Variants in CFAP299 observed in about 807,000 individuals in gnomAD.
CFAP299 encodes cilia and flagella associated protein 299.
In CFAP299, 21 loss-of-function variants were observed where a neutral mutation model predicts 27.0. The ratio of observed to expected loss-of-function variants is 0.78; its 90% CI spans 0.55 to 1.12. The LOEUF (loss-of-function observed/expected upper bound fraction) is 1.12, where lower values mean the gene tolerates loss of function less well. CFAP299 is among the 50% of genes most tolerant of loss of function. The pLI, the probability that CFAP299 is intolerant of heterozygous loss-of-function variation, is 0.00. For synonymous variants in CFAP299, 104 were observed against 98.1 expected, an observed-to-expected ratio of 1.06 and a Z score of -0.36; for missense variants, 310 against 276.6, an observed-to-expected ratio of 1.12 and a Z score of -0.86.
intron 2 of CFAP299, among the ~76,000 whole-genome samples, chr4:80,492,751 A>C (rs545776428): frequency 3.5e-4 from 53 of 152,294 alleles, no homozygotes; most frequent in African/African-American, 1.2e-3. Flanking sequence ...CCTAGGAGGA[A>C]GGGTTTTCTC....
At chr4:80,392,390 TC>T (rs1474820113) in intron 2 of CFAP299, among the ~76,000 whole-genome samples, 1 of 152,160 alleles carries the variant, frequency 6.6e-6, no homozygotes, top group African/African-American at 2.4e-5. Context: ...TTCGGCTGTG[TC>T]CCCACCCAAA....
intron 3 of CFAP299, among the ~76,000 whole-genome samples, chr4:80,693,599 T>G: frequency 6.7e-6 from 1 of 150,060 alleles, no homozygotes; most frequent in South Asian, 2.1e-4. Flanking sequence ...TAATGCTAGA[T>G]TACGAATTAG....
chr4:80,493,760 T>C (rs13152754), intron 2 of CFAP299, among the ~76,000 whole-genome samples: 7 of 49,678 alleles, frequency 1.4e-4, no homozygotes, highest in African/African-American at 2.5e-4. Flanking sequence ...TCTCATATTC[T>C]TTTTTTTTTT....
At chr4:80,368,895 A>G (rs978313179) in intron 2 of CFAP299, among the ~76,000 whole-genome samples, 4 of 152,240 alleles carry the variant, frequency 2.6e-5, no homozygotes, top group African/African-American at 9.6e-5. Flanking sequence ...TTTGTTGCAG[A>G]TTAGCATCTC....
intron 3 of CFAP299, among the ~76,000 whole-genome samples, chr4:80,618,140 T>C (rs1738393380): frequency 1.3e-5 from 2 of 152,110 alleles, no homozygotes; most frequent in Non-Finnish European, 2.9e-5. Context: ...TGATAGCATA[T>C]GAAGTATCTC....
chr4:80,722,366 G>A (rs578247100), intron 3 of CFAP299, among the ~76,000 whole-genome samples: 3 of 150,808 alleles, frequency 2.0e-5, no homozygotes, highest in East Asian at 2.0e-4. Flanking sequence ...GCAGTGAGCC[G>A]AGATCGTGCC....
intron 3 of CFAP299, among the ~76,000 whole-genome samples, chr4:80,808,302 G>T (rs1194215614): frequency 6.6e-6 from 1 of 152,020 alleles, no homozygotes; most frequent in Admixed American, 6.6e-5. Flanking sequence ...GAAAGAATCT[G>T]CCTTCATAAC....
At position 80,862,561 on chromosome 4, in the gene CFAP299, G is replaced by A. The variant is rs550582913; in HGVS notation, c.334-7432G>A. 7.9e-5 allele frequency among the ~76,000 whole-genome samples: 12 copies of A among 152,188 alleles called. No individual in the cohort carries two copies. The South Asian group carries it at 1.9e-3, about 24-fold the overall frequency. Reference sequence around the variant, plus strand: ...AATAACTACAGATTGCAAAGTGGCTGCAATTATCCACTTTGTCCTTTGTCC... The same window carrying A: ...AATAACTACAGATTGCAAAGTGGCTACAATTATCCACTTTGTCCTTTGTCC... On this transcript the variant is annotated intron_variant, in intron 3 of 5. Coordinates refer to ENST00000358105, the MANE Select transcript of CFAP299 (RefSeq NM_152770.3).
intron 4 of CFAP299, among the ~76,000 whole-genome samples, chr4:80,912,956 A>G (rs1044097857): frequency 6.6e-6 from 1 of 152,176 alleles, no homozygotes; most frequent in African/African-American, 2.4e-5. Flanking sequence ...GGGACCAGCC[A>G]TAACAGAGGT....
At position 80,719,894 on chromosome 4, in the gene CFAP299, A is replaced by G. The variant is rs118184727; in HGVS notation, c.333+136711A>G. On this transcript the variant is annotated intron_variant, in intron 3 of 5. Coordinates refer to ENST00000358105, the MANE Select transcript of CFAP299 (RefSeq NM_152770.3). ...GCCCCTAATAAAACTCCATGTCTTG[A>G]TAAAAAATAATGAACTGAATAAAAT... Among the ~76,000 whole-genome samples, 302 of 152,308 alleles carry G rather than the reference A, an allele frequency of 2.0e-3. 5 individuals are homozygous for G. In the East Asian group the frequency reaches 0.048, roughly 24 times the overall value.
In CFAP299 at chr4:80,963,584, T is replaced by A; in HGVS notation, c.674T>A (p.Phe225Tyr). 6.2e-7 allele frequency: 1 copy of A among 1,606,252 alleles called. No homozygotes were observed. Among genetic ancestry groups the A allele is most frequent in the Non-Finnish European group, 8.5e-7 (1 of 1,175,358 alleles). Residue 225 changes from phenylalanine (F) to tyrosine (Y), a missense_variant, in exon 6 of 6, where the codon TTT becomes TAT. Coordinates refer to ENST00000358105, the MANE Select transcript of CFAP299 (RefSeq NM_152770.3). Reference sequence around the variant, plus strand: ...GAACTCTACGTACAAGCTGTCATTTTTGACCACATTTCCAGAAGGAAGACT... The same window carrying A: ...GAACTCTACGTACAAGCTGTCATTTATGACCACATTTCCAGAAGGAAGACT... ...LTELYVQAVI[F>Y]DHISRRKT is the part of the protein sequence containing the mutation.
rs1002691021 is a variant in CFAP299 at position 80,386,366 on chromosome 4, C to T, written c.242+23482C>T. On this transcript the variant is annotated intron_variant, in intron 2 of 5. Transcript: ENST00000358105. ...GCTCCGCGTTCAGCTCTGCGAAGGGCGGCTTGCCCGGGACGGCCTCGGGCA... is the reference window on the plus strand; with the variant it reads ...GCTCCGCGTTCAGCTCTGCGAAGGGTGGCTTGCCCGGGACGGCCTCGGGCA... 1.0e-5 allele frequency: 15 copies of T among 1,470,136 alleles called. No individual in the cohort carries two copies. In the African/African-American group the frequency reaches 1.2e-4, roughly 12 times the overall value. 91.1% of individuals were successfully genotyped at this position (1,470,136 alleles called of 1,614,324 possible).
chr4:80,805,608 C>A (rs1728823941), intron 3 of CFAP299, among the ~76,000 whole-genome samples: 1 of 152,064 alleles, frequency 6.6e-6, no homozygotes, highest in Non-Finnish European at 1.5e-5. Context: ...CTTTGGGAGG[C>A]CAAGGCAGGA....
intron 4 of CFAP299, among the ~76,000 whole-genome samples, chr4:80,917,312 C>A (rs779427319): frequency 6.6e-6 from 1 of 151,998 alleles, no homozygotes; most frequent in Non-Finnish European, 1.5e-5. Context: ...AAGATACTGT[C>A]AATATGGATT....
chr4:80,703,954 G>A (rs1721667361), intron 3 of CFAP299, among the ~76,000 whole-genome samples: 1 of 151,684 alleles, frequency 6.6e-6, no homozygotes, highest in Non-Finnish European at 1.5e-5. Flanking sequence ...AAAGGAGGAG[G>A]AAGATGAGAT....
At chr4:80,480,299 T>C (rs1167697182) in intron 2 of CFAP299, among the ~76,000 whole-genome samples, 1 of 151,848 alleles carries the variant, frequency 6.6e-6, no homozygotes, top group Admixed American at 6.6e-5. Flanking sequence ...TTTGAGCAAA[T>C]AGTGATTCAT....
At chr4:80,681,097 C>A (rs1223079561) in intron 3 of CFAP299, among the ~76,000 whole-genome samples, 1 of 152,036 alleles carries the variant, frequency 6.6e-6, no homozygotes, top group Non-Finnish European at 1.5e-5. Context: ...GTGTCTGTAC[C>A]AATTCAACTC....
chr4:80,462,262 G>C (rs1729474917), intron 2 of CFAP299, among the ~76,000 whole-genome samples: 1 of 152,030 alleles, frequency 6.6e-6, no homozygotes, highest in South Asian at 2.1e-4. Context: ...AAAAATAAAT[G>C]AAGTAAATAA....
intron 2 of CFAP299, among the ~76,000 whole-genome samples, chr4:80,464,154 A>G (rs1729596546): frequency 6.6e-6 from 1 of 152,116 alleles, no homozygotes; most frequent in African/African-American, 2.4e-5. Context: ...AACAAATGTT[A>G]AGACCAAATT....
Sources: gnomAD v4.1 joint callset for allele counts (sites outside exome capture counted in the v4.1 genomes callset) on GRCh38, gnomAD v4.1.1 for gene constraint, MANE v1.5 for transcripts, NCBI Gene and HGNC (gene_info 2026-07-23, HGNC 2026-07-21) for gene names.